The following PCDH15 variants were observed in gnomAD, a reference collection of about 807,000 sequenced individuals.
PCDH15 encodes protocadherin-15.
Under a neutral mutation model 178.5 loss-of-function variants are expected in PCDH15, and 129 were observed. The ratio of observed to expected loss-of-function variants is 0.72; its 90% confidence interval spans 0.63 to 0.84. PCDH15 has a LOEUF of 0.84. PCDH15 is among the 40% of genes least tolerant of loss of function. The pLI, the probability that PCDH15 is intolerant of heterozygous loss-of-function variation, is 0.00. For synonymous variants in PCDH15, 800 were observed against 732.0 expected, an observed-to-expected ratio of 1.09 and a Z score of -1.50; for missense variants, 2,230 against 2,099.9, an observed-to-expected ratio of 1.06 and a Z score of -1.21.
At chr10:53,818,863 T>G (rs755043637) in intron 33 of PCDH15, among the ~76,000 whole-genome samples, 3 of 151,970 alleles carry the variant, frequency 2.0e-5, no homozygotes, top group Non-Finnish European at 2.9e-5. Context: ...CTTTCTAAAA[T>G]CCAACAAAAG....
At chr10:55,150,118 G>C (rs2799592) in intron 2 of PCDH15, among the ~76,000 whole-genome samples, 135,608 of 150,348 alleles carry the variant, frequency 0.9, 61,839 homozygotes, top group Non-Finnish European at 0.97. Flanking sequence ...GGAGAGAAGA[G>C]AAGAGGAGAG....
intron 21 of PCDH15, among the ~76,000 whole-genome samples, chr10:53,973,202 A>G (rs2089896224): frequency 6.7e-6 from 1 of 150,188 alleles, no homozygotes; most frequent in Non-Finnish European, 1.5e-5. Context: ...CAGATAACCA[A>G]ACACCACATG....
chr10:54,434,363 A>C (rs1230072968), intron 3 of PCDH15, among the ~76,000 whole-genome samples: 2 of 152,196 alleles, frequency 1.3e-5, no homozygotes, highest in African/African-American at 4.8e-5. Context: ...ACTCACCCAG[A>C]GTAACTTCCA....
chr10:54,572,032 T>C (rs1298009279), intron 2 of PCDH15, among the ~76,000 whole-genome samples: 2 of 152,262 alleles, frequency 1.3e-5, no homozygotes, highest in Admixed American at 1.3e-4. Flanking sequence ...TTTGCACTCC[T>C]AAACCTCTGT....
intron 26 of PCDH15, among the ~76,000 whole-genome samples, chr10:53,887,954 AAAG>A (rs1166472107): frequency 6.6e-6 from 1 of 152,064 alleles, no homozygotes; most frequent in Admixed American, 6.6e-5. Context: ...ATAGGTAATA[AAAG>A]AATACAGGAT....
upstream of PCDH15, among the ~76,000 whole-genome samples, chr10:54,802,135 A>T (rs1422609663): frequency 6.6e-6 from 1 of 152,192 alleles, no homozygotes; most frequent in East Asian, 1.9e-4. Flanking sequence ...TATCACAGAC[A>T]AAAGCCCCAG....
At chr10:54,142,161 GT>G (rs1048429485) in intron 14 of PCDH15, among the ~76,000 whole-genome samples, 1 of 152,070 alleles carries the variant, frequency 6.6e-6, no homozygotes, top group Non-Finnish European at 1.5e-5. Context: ...CTTTAACACC[GT>G]GGTCAGAAGT....
At chr10:54,325,709 A>G (rs1232429837) in intron 7 of PCDH15, among the ~76,000 whole-genome samples, 1 of 152,046 alleles carries the variant, frequency 6.6e-6, no homozygotes, top group East Asian at 1.9e-4. Flanking sequence ...AGATCATGCC[A>G]CTGCACTCTA....
chr10:54,442,714 A>G (rs1235828012), intron 3 of PCDH15, among the ~76,000 whole-genome samples: 1 of 151,056 alleles, frequency 6.6e-6, no homozygotes, highest in Non-Finnish European at 1.5e-5. Flanking sequence ...TGTCTTCATG[A>G]AGTTTAAATG....
intron 25 of PCDH15, among the ~76,000 whole-genome samples, chr10:53,912,248 C>A (rs111494215): frequency 1.3e-5 from 2 of 152,064 alleles, no homozygotes; most frequent in East Asian, 1.9e-4. Context: ...ATTCAACAGC[C>A]CTTCATGCTA....
rs115270061 is a variant in PCDH15 at position 54,243,711 on chromosome 10, A to G, written c.877-6780T>C. The stretch of plus-strand genomic sequence containing the variant: ...AATTATATGTTACCTTTAGAGGCCA[A>G]ACAACCATTTCTGTTTTCACTTTGC... On this transcript the variant is annotated intron_variant, in intron 8 of 37. Coordinates refer to ENST00000644397, the MANE Select transcript of PCDH15 (RefSeq NM_001384140.1). Among the ~76,000 whole-genome samples, 266 of 152,290 alleles carry G rather than the reference A, an allele frequency of 1.7e-3. 1 individual carries two copies. Among genetic ancestry groups the G allele is most frequent in the African/African-American group, 6.0e-3 (248 of 41,568 alleles).
At chr10:53,821,868 G>GTAGAT in intron 32 of PCDH15, 1 of 1,613,042 alleles carries the variant, frequency 6.2e-7, no homozygotes, top group Non-Finnish European at 8.5e-7. Context: ...TTACAGTGAA[G>GTAGAT]TAGATTGACT....
chr10:55,625,130 A>ATT (rs557879646), intron 2 of PCDH15, among the ~76,000 whole-genome samples: 6 of 151,464 alleles, frequency 4.0e-5, no homozygotes, highest in African/African-American at 1.5e-4. Context: ...CAGTACACTG[A>ATT]TTTTTTTTTA....
intron 25 of PCDH15, among the ~76,000 whole-genome samples, chr10:53,909,621 A>G (rs1430241101): frequency 6.6e-6 from 1 of 152,124 alleles, no homozygotes; most frequent in Non-Finnish European, 1.5e-5. Flanking sequence ...TGCATTTCCA[A>G]CTGAGGTACC....
intron 1 of PCDH15, among the ~76,000 whole-genome samples, chr10:55,271,551 G>T (rs1165485777): frequency 2.0e-5 from 3 of 152,006 alleles, no homozygotes; most frequent in Non-Finnish European, 4.4e-5. Context: ...TAATTAAAAA[G>T]ACTAGTGGAC....
intron 2 of PCDH15, among the ~76,000 whole-genome samples, chr10:55,459,151 G>T (rs1450606430): frequency 1.4e-5 from 2 of 145,346 alleles, no homozygotes; most frequent in Admixed American, 1.4e-4. Flanking sequence ...CAGTGTTCAG[G>T]AAAGAATTGA....
intron 2 of PCDH15, among the ~76,000 whole-genome samples, chr10:55,020,558 A>T (rs10825435): frequency 0.075 from 11,416 of 152,056 alleles, 671 homozygotes; most frequent in African/African-American, 0.16. Context: ...CTATTACTAC[A>T]TTTTTTTCAT....
chr10:55,232,628 T>C (rs1423390177), intron 1 of PCDH15, among the ~76,000 whole-genome samples: 4 of 152,092 alleles, frequency 2.6e-5, no homozygotes, highest in Non-Finnish European at 5.9e-5. Flanking sequence ...GCAGAAAGTT[T>C]GTAACTTCCA....
At chr10:53,961,662 A>G in intron 22 of PCDH15, 90 bp downstream of exon 22, 2 of 975,620 alleles carry the variant, frequency 2.0e-6, no homozygotes, top group Non-Finnish European at 2.8e-6. Flanking sequence ...AGAAAAATTG[A>G]AAGAAAAAAA....
Sources: gnomAD v4.1 joint callset for allele counts (sites outside exome capture counted in the v4.1 genomes callset) on GRCh38, gnomAD v4.1.1 for gene constraint, MANE v1.5 for transcripts, NCBI Gene and HGNC (gene_info 2026-07-23, HGNC 2026-07-21) for gene names.